The following CES5A variants were observed in gnomAD, a reference collection of about 807,000 sequenced individuals.
CES5A encodes carboxylesterase 5A.
In CES5A, 67 loss-of-function variants were observed where a neutral mutation model predicts 62.9. The observed-to-expected ratio is 1.07, with a 90% confidence interval of 0.88 to 1.31. The LOEUF is 1.31. CES5A is among the 50% of genes most tolerant of loss of function. CES5A has a pLI of 0.00. For missense variants in CES5A, 748 were observed against 708.5 expected, an observed-to-expected ratio of 1.06 and a Z score of -0.63; for synonymous variants, 296 against 280.8, an observed-to-expected ratio of 1.05 and a Z score of -0.54.
intron 1 of CES5A, among the ~76,000 whole-genome samples, chr16:55,912,157 C>T (rs1382677396): frequency 2.6e-5 from 4 of 152,164 alleles, no homozygotes; most frequent in Non-Finnish European, 5.9e-5. Context: ...GACAGGGAAG[C>T]AGGATTGGGC....
chr16:55,907,292 G>C (rs2034048452), intron 1 of CES5A, among the ~76,000 whole-genome samples: 1 of 152,146 alleles, frequency 6.6e-6, no homozygotes, highest in Non-Finnish European at 1.5e-5. Flanking sequence ...CTCAGCATCA[G>C]CCATGTTTTG....
At chr16:55,944,047 C>G in intron 2 of CES5A, 1 of 702,174 alleles carries the variant, frequency 1.4e-6, no homozygotes. Context: ...AGGGGACTCA[C>G]CTCCATGCAG....
chr16:55,880,617 C>T (rs568836673), intron 1 of CES5A, among the ~76,000 whole-genome samples: 1 of 152,176 alleles, frequency 6.6e-6, no homozygotes, highest in African/African-American at 2.4e-5. Context: ...GGATCTCCCC[C>T]CTAGTCAGAC....
intron 1 of CES5A, among the ~76,000 whole-genome samples, chr16:55,885,544 C>T (rs1271281747): frequency 6.6e-6 from 1 of 152,124 alleles, no homozygotes; most frequent in Non-Finnish European, 1.5e-5. Context: ...GTAAAAGCAT[C>T]CTAGGCTACC....
chr16:55,869,358 T>A, intron 4 of CES5A: 1 of 456,166 alleles, frequency 2.2e-6, no homozygotes, highest in Non-Finnish European at 3.5e-6. Context: ...TGGTTGACCA[T>A]GAGGAAGAAT....
At chr16:55,939,444 A>T (rs1294887513) in intron 2 of CES5A, among the ~76,000 whole-genome samples, 1 of 152,218 alleles carries the variant, frequency 6.6e-6, no homozygotes, top group Non-Finnish European at 1.5e-5. Context: ...TAACAGGTAG[A>T]TAGGGAAGTA....
rs185308898 is a variant in CES5A, at chr16:55,946,801, G to A, written c.160+2984C>T. On this transcript the variant is annotated intron_variant, in intron 2 of 13. Coordinates refer to the CES5A transcript ENST00000521992. The stretch of plus-strand genomic sequence containing the variant: ...ATCTCACTTGGGCTCAGCTGAGTTT[G>A]GCTCTGGCCTTTGGTTTGATCCAGG... Among the ~76,000 whole-genome samples, 442 of 152,340 alleles carry A rather than the reference G, an allele frequency of 2.9e-3. 2 individuals are homozygous for A. The highest frequency in any genetic ancestry group is 0.01 in the African/African-American group (422 of 41,584).
At chr16:55,927,375 G>C (rs1412836942), upstream of CES5A, among the ~76,000 whole-genome samples, 1 of 152,032 alleles carries the variant, frequency 6.6e-6, no homozygotes, top group Non-Finnish European at 1.5e-5. Flanking sequence ...TCTGACAAAG[G>C]ACTAAGATCT....
intron 5 of CES5A, 53 bp from the exon 6 acceptor site, chr16:55,863,505 T>C (rs2033396661): frequency 1.1e-6 from 1 of 886,704 alleles, no homozygotes; most frequent in Admixed American, 1.7e-5. Context: ...CCAACACACA[T>C]ACCATTCATC....
intron 3 of CES5A, 95 bp downstream of exon 3, chr16:55,871,530 G>T: frequency 1.4e-6 from 2 of 1,393,070 alleles, no homozygotes; most frequent in East Asian, 4.7e-5. Context: ...ACCCAACAGG[G>T]GGTAGTTCCA....
rs762417070 is a variant in CES5A, at chr16:55,859,627, G to A, written c.976C>T (p.Leu326=). 7 of 1,613,416 alleles carry A rather than the reference G, an allele frequency of 4.3e-6. No individual in the cohort carries two copies. The Admixed American group carries it at 6.7e-5, about 15-fold the overall frequency. The part of the protein sequence containing the change: ...GAFFPNEPLD[L]LSQKAFKAIP... ...GCTTTAAATGCTTTCTGAGACAATA[G>A]ATCTAGAGGCTCATTAGGAAAGAAA... Residue 326 remains leucine, a synonymous_variant, in exon 8 of 13, where the codon CTA becomes TTA. Coordinates refer to ENST00000290567, the MANE Select transcript of CES5A (RefSeq NM_001143685.2).
chr16:55,859,325 G>T (rs12447965), intron 8 of CES5A, among the ~76,000 whole-genome samples: 1 of 152,048 alleles, frequency 6.6e-6, no homozygotes, highest in Non-Finnish European at 1.5e-5. Flanking sequence ...TGTTTCTTCC[G>T]CCCTAAACCT....
intron 1 of CES5A, among the ~76,000 whole-genome samples, chr16:55,887,382 CAAAA>C (rs202239600): frequency 5.5e-5 from 5 of 91,200 alleles, no homozygotes; most frequent in Non-Finnish European, 6.3e-5. Flanking sequence ...GGACCAGAGG[CAAAA>C]AAAAAAAAAA....
intron 1 of CES5A, among the ~76,000 whole-genome samples, chr16:55,881,705 T>C (rs1268407330): frequency 1.3e-5 from 2 of 152,188 alleles, no homozygotes; most frequent in African/African-American, 4.8e-5. Flanking sequence ...TACCTGATAA[T>C]GTTTCCTGAG....
At chr16:55,857,893 C>T (rs575769662) in intron 8 of CES5A, among the ~76,000 whole-genome samples, 1 of 152,082 alleles carries the variant, frequency 6.6e-6, no homozygotes, top group Non-Finnish European at 1.5e-5. Flanking sequence ...ACAGAGAACT[C>T]GATATTTAAA....
intron 1 of CES5A, among the ~76,000 whole-genome samples, chr16:55,882,305 C>T (rs1195744551): frequency 6.6e-6 from 1 of 152,156 alleles, no homozygotes; most frequent in Non-Finnish European, 1.5e-5. Flanking sequence ...CACTTGGTGT[C>T]CATGGTCCAG....
At chr16:55,873,548 G>C (rs1439350915) in intron 2 of CES5A, among the ~76,000 whole-genome samples, 4 of 152,204 alleles carry the variant, frequency 2.6e-5, no homozygotes, top group East Asian at 1.9e-4. Context: ...TCTCTAAAAA[G>C]CGTTCAGATA....
chr16:55,953,277 G>A (rs2142489946), intron 1 of CES5A, among the ~76,000 whole-genome samples: 2 of 152,222 alleles, frequency 1.3e-5, no homozygotes, highest in South Asian at 4.1e-4. Flanking sequence ...CAGAAACCAG[G>A]TAAAGATGTC....
intron 1 of CES5A, among the ~76,000 whole-genome samples, chr16:55,915,622 C>T (rs763631044): frequency 1.6e-4 from 25 of 152,092 alleles, no homozygotes; most frequent in Non-Finnish European, 2.9e-4. Flanking sequence ...CTTTAAGCTC[C>T]GCTAGAGGCC....
Sources: allele counts gnomAD v4.1 joint callset (sites outside exome capture counted in the v4.1 genomes callset), GRCh38; gene constraint gnomAD v4.1.1; transcripts MANE v1.5; gene names NCBI Gene and HGNC (gene_info 2026-07-23, HGNC 2026-07-21).